Variants in CTIF observed in about 807,000 individuals in gnomAD.
CTIF encodes the protein cap binding complex dependent translation initiation factor, also known as CBP80/20-dependent translation initiation factor.
A neutral mutation model predicts 66.0 loss-of-function variants in CTIF; 21 were observed. That is an observed-to-expected ratio of 0.32 (90% CI 0.23 to 0.46). CTIF has a LOEUF of 0.46. Ranked by LOEUF, CTIF falls within the 20% of genes least tolerant of loss-of-function variation. The pLI, the probability that CTIF is intolerant of heterozygous loss-of-function variation, is 1.00. For missense variants in CTIF, 739 were observed against 812.7 expected (o/e 0.91, Z 1.10); for synonymous variants, 345 against 326.4 (o/e 1.06, Z -0.62).
chr18:48,719,727 T>A (rs937723549), intron 7 of CTIF, among the ~76,000 whole-genome samples: 3 of 152,244 alleles, frequency 2.0e-5, no homozygotes, highest in Admixed American at 6.5e-5. Flanking sequence ...CTCATGGTTC[T>A]GTTTACTGCC....
intron 7 of CTIF, among the ~76,000 whole-genome samples, chr18:48,718,106 A>G (rs2092298867): frequency 6.6e-6 from 1 of 152,208 alleles, no homozygotes; most frequent in Non-Finnish European, 1.5e-5. Flanking sequence ...GTTTCAAAAA[A>G]GGACATAGAT....
intron 7 of CTIF, among the ~76,000 whole-genome samples, chr18:48,730,886 C>T (rs1327079036): frequency 1.3e-5 from 2 of 151,938 alleles, no homozygotes; most frequent in Admixed American, 6.5e-5. Flanking sequence ...GAGGGGCTTC[C>T]ACAGTGGACC....
rs575885699 is a variant in CTIF at position 48,803,728 on chromosome 18, G to T, written c.1372-13493G>T. On this transcript the variant is annotated intron_variant, in intron 9 of 11. Transcript: ENST00000256413. ...GAGAGATAGTCATGTGATGAGCAGG[G>T]CCAGTCAGAATCCTTCCCTGAGATT... Among the ~76,000 whole-genome samples, 140 of 152,320 alleles carry T rather than the reference G, an allele frequency of 9.2e-4. 1 individual carries two copies. Among genetic ancestry groups the T allele is most frequent in the African/African-American group, 3.2e-3 (134 of 41,576 alleles).
At chr18:48,565,588 A>G (rs961812998) in intron 1 of CTIF, 1 of 152,252 alleles carries the variant, frequency 6.6e-6, no homozygotes, top group Non-Finnish European at 1.5e-5. Context: ...AGCCATGGAA[A>G]CCAGGGGCAG....
At chr18:48,766,316 T>A (rs1477199094) in intron 9 of CTIF, among the ~76,000 whole-genome samples, 1 of 151,998 alleles carries the variant, frequency 6.6e-6, no homozygotes, top group Non-Finnish European at 1.5e-5. Context: ...GGGACCACAG[T>A]GGGAAGTCAC....
Position 48,730,516 on chromosome 18 carries a change from CGGTGTGAGGGGCCCCTGT to C in CTIF, c.584+18834_584+18851del, listed in dbSNP as rs2092439828. On this transcript the variant is annotated intron_variant, in intron 7 of 11. Coordinates refer to ENST00000256413, the MANE Select transcript of CTIF (RefSeq NM_014772.3). The stretch of plus-strand genomic sequence containing the variant: ...GCTTCTGCGGTGTGAGGGGCTTCTG[CGGTGTGAGGGGCCCCTGT>C]GGTGTGAGGGGCTTCTGCTGTGTGA... Among the ~76,000 whole-genome samples the C allele has an allele frequency of 7.1e-5, 5 of 70,502 alleles. 1 individual carries two copies. The highest frequency in any genetic ancestry group is 1.2e-4 in the Non-Finnish European group (4 of 34,508). 46.3% of individuals were successfully genotyped at this position (70,502 alleles called of 152,430 possible). A position where few individuals can be genotyped will look rare whatever the true frequency, so the allele number is the denominator to read the frequency against.
intron 1 of CTIF, among the ~76,000 whole-genome samples, chr18:48,597,548 G>A (rs964342154): frequency 1.3e-5 from 2 of 151,876 alleles, no homozygotes; most frequent in African/African-American, 2.4e-5. Context: ...TTAAAAGTGT[G>A]TGGTACCCTC....
At chr18:48,789,183 T>A (rs1165168418) in intron 9 of CTIF, among the ~76,000 whole-genome samples, 1 of 152,154 alleles carries the variant, frequency 6.6e-6, no homozygotes, top group Non-Finnish European at 1.5e-5. Context: ...CTCAAATCAT[T>A]TTCTTCGGGT....
chr18:48,541,309 A>G (rs1430309826), intron 1 of CTIF, among the ~76,000 whole-genome samples: 1 of 152,090 alleles, frequency 6.6e-6, no homozygotes, highest in Non-Finnish European at 1.5e-5. Context: ...GCGACCAAGG[A>G]GGAAGCCGCT....
chr18:48,747,972 G>A (rs1205889877), intron 7 of CTIF, among the ~76,000 whole-genome samples: 1 of 151,570 alleles, frequency 6.6e-6, no homozygotes, highest in Admixed American at 6.6e-5. Flanking sequence ...AAAAAAAGGA[G>A]GTTTTTGTCA....
intron 9 of CTIF, among the ~76,000 whole-genome samples, chr18:48,763,284 G>A (rs1284324551): frequency 6.6e-6 from 1 of 152,230 alleles, no homozygotes; most frequent in Admixed American, 6.5e-5. Flanking sequence ...GGCACCCAGG[G>A]CATGGGGCAC....
rs981068507 is a variant in CTIF at position 48,769,713 on chromosome 18, G to C, written c.1371+8024G>C. ...GCGGCCAGAGCCACAGTGGATAGGA[G>C]CCGTGTGCCTCGTTGCCAATCTTGT... On this transcript the variant is annotated intron_variant, in intron 9 of 11. Coordinates refer to ENST00000256413, the MANE Select transcript of CTIF (RefSeq NM_014772.3). Among the ~76,000 whole-genome samples the C allele has an allele frequency of 4.6e-5, 7 of 152,400 alleles. No individual in the cohort carries two copies. The South Asian group carries it at 1.5e-3, about 32-fold the overall frequency.
chr18:48,826,717 C>T (rs149489955), intron 10 of CTIF: 6 of 152,308 alleles, frequency 3.9e-5, no homozygotes, highest in African/African-American at 7.2e-5. Context: ...GCATGTTGCT[C>T]GGAGTCTGTG....
chr18:48,758,287 G>A lies in CTIF; in HGVS notation c.953G>A (p.Gly318Glu), dbSNP rs200224776. The A allele has an allele frequency of 1.2e-5, 20 of 1,613,380 alleles. No homozygotes were observed. In the African/African-American group the frequency reaches 2.1e-4, roughly 17 times the overall value. ...CGGCTGCCCCCACAGCAGTCAGGGG[G>A]GCCAGAGGTTGAGACAAAACGTAAA... Reference protein sequence around the residue: ...SERLPPQQSGGPEVETKRKDS... With the variant: ...SERLPPQQSGEPEVETKRKDS... Residue 318 changes from glycine to glutamate, a missense_variant, in exon 8 of 12, where the codon GGG (glycine) becomes GAG (glutamate). By Grantham distance (98) the Gly-to-Glu change is moderately conservative. Around this residue, in one of 2 missense-constraint regions of CTIF, gnomAD observed 529 missense variants for 520.3 expected, o/e 1.02. Coordinates refer to ENST00000256413, the MANE Select transcript of CTIF (RefSeq NM_014772.3).
At position 48,647,665 on chromosome 18, in the gene CTIF, C is replaced by T. The variant is rs113499160; in HGVS notation, c.252+10980C>T. Among the ~76,000 whole-genome samples, 1,145 of 152,248 alleles carry T rather than the reference C, an allele frequency of 7.5e-3. 8 individuals are homozygous for T. The highest frequency in any genetic ancestry group is 0.034 in the Middle Eastern group (10 of 294). On this transcript the variant is annotated intron_variant, in intron 3 of 11. Transcript: ENST00000256413. ...AATTTGTAAAAAGTATTTCTATTTC[C>T]TCAGAACCTTACATGGAGATTCCAC...
chr18:48,678,828 A>G (rs905919751), intron 6 of CTIF, among the ~76,000 whole-genome samples: 10 of 152,142 alleles, frequency 6.6e-5, no homozygotes, highest in Non-Finnish European at 1.2e-4. Context: ...TGCCCACCCT[A>G]TAGGAACACC....
chr18:48,697,004 G>A (rs1181177841), intron 6 of CTIF, among the ~76,000 whole-genome samples: 1 of 152,176 alleles, frequency 6.6e-6, no homozygotes, highest in Non-Finnish European at 1.5e-5. Flanking sequence ...CAATCACTAA[G>A]CACTGAGCCT....
intron 1 of CTIF, chr18:48,568,347 C>G (rs1328628598): frequency 6.6e-6 from 1 of 152,100 alleles, no homozygotes; most frequent in Non-Finnish European, 1.5e-5. Flanking sequence ...ATCCTCCCAG[C>G]AGCCCCATGA....
At chr18:48,785,408 T>C (rs887119960) in intron 9 of CTIF, among the ~76,000 whole-genome samples, 1 of 152,244 alleles carries the variant, frequency 6.6e-6, no homozygotes, top group African/African-American at 2.4e-5. Context: ...CTCCCACCAC[T>C]GCGGCCTGCA....
Sources: allele counts gnomAD v4.1 joint callset (sites outside exome capture counted in the v4.1 genomes callset), GRCh38; gene constraint gnomAD v4.1.1; regional missense constraint gnomAD v4.1.1; transcripts MANE v1.5; gene names NCBI Gene and HGNC (gene_info 2026-07-23, HGNC 2026-07-21).